The following SORCS2 variants were observed in gnomAD, a reference collection of about 807,000 sequenced individuals.
SORCS2 encodes the protein VPS10 domain-containing receptor SorCS2.
Under a neutral mutation model 141.6 loss-of-function variants are expected in SORCS2, and 100 were observed. That is an observed-to-expected ratio of 0.71 (90% CI 0.60 to 0.83). The LOEUF is 0.83. SORCS2 is among the 40% of genes least tolerant of loss of function. SORCS2 has a pLI of 0.00. For synonymous variants in SORCS2, 789 were observed against 676.9 expected, an observed-to-expected ratio of 1.17 and a Z score of -2.57; for missense variants, 1,646 against 1,560.2, an observed-to-expected ratio of 1.05 and a Z score of -0.93.
chr4:7,232,571 G>A (rs942234618), intron 1 of SORCS2, among the ~76,000 whole-genome samples: 5 of 152,180 alleles, frequency 3.3e-5, no homozygotes, highest in African/African-American at 7.2e-5. Flanking sequence ...CTCGTGGTCC[G>A]TGACCTTTAG....
intron 1 of SORCS2, among the ~76,000 whole-genome samples, chr4:7,389,575 C>T (rs115612760): frequency 0.028 from 4,307 of 152,296 alleles, 107 homozygotes; most frequent in Middle Eastern, 0.11. Context: ...TTCTGACACT[C>T]CCTGTGTGCC....
At chr4:7,599,821 T>C (rs977629012) in intron 3 of SORCS2, among the ~76,000 whole-genome samples, 67 of 149,480 alleles carry the variant, frequency 4.5e-4, no homozygotes, top group African/African-American at 1.5e-3. Flanking sequence ...GTTTTCTTTT[T>C]TCTTTTTTTT....
intron 1 of SORCS2, among the ~76,000 whole-genome samples, chr4:7,331,252 G>A (rs959470351): frequency 4.6e-5 from 7 of 152,120 alleles, no homozygotes; most frequent in South Asian, 4.1e-4. Context: ...TGCACCTCAC[G>A]TGACCTGGGC....
At chr4:7,597,074 G>A (rs1309577180) in intron 3 of SORCS2, among the ~76,000 whole-genome samples, 1 of 151,940 alleles carries the variant, frequency 6.6e-6, no homozygotes, top group Non-Finnish European at 1.5e-5. Context: ...ATCAATGCAG[G>A]CTTAGGTAAG....
Position 7,589,185 on chromosome 4 carries a change from A to G in SORCS2, c.649-49143A>G, listed in dbSNP as rs1414263890. On this transcript the variant is annotated intron_variant, in intron 3 of 26. Coordinates refer to ENST00000507866, the MANE Select transcript of SORCS2 (RefSeq NM_020777.3). ...TTCCTGGTAGAAGCCTGCAAAGTCT[A>G]TCTGGGAGGCCAGTTAGGAGATCCT... is the stretch of plus-strand genomic sequence containing the variant. 3.9e-5 allele frequency among the ~76,000 whole-genome samples: 6 copies of G among 152,210 alleles called. No individual in the cohort carries two copies. In the East Asian group the frequency reaches 9.6e-4, roughly 24 times the overall value.
chr4:7,704,253 A>G lies in SORCS2; in HGVS notation c.1837A>G (p.Ser613Gly). 6.2e-7 allele frequency: 1 copy of G among 1,612,728 alleles called. No homozygotes were observed. Among genetic ancestry groups the G allele is most frequent in the African/African-American group, 1.3e-5 (1 of 75,020 alleles). Residue 613 changes from serine to glycine, a missense_variant, in exon 14 of 27, where the codon AGT becomes GGT. Coordinates refer to ENST00000507866, the MANE Select transcript of SORCS2 (RefSeq NM_020777.3). ...CTCGGTGTTTGTGGACGGGCTGCTGAGTGAGCCAGGGGACGAGACGCTGGT... is the reference window on the plus strand; with the variant it reads ...CTCGGTGTTTGTGGACGGGCTGCTGGGTGAGCCAGGGGACGAGACGCTGGT... ...STSVFVDGLLSEPGDETLVMT... is the reference protein window; with the variant it reads ...STSVFVDGLLGEPGDETLVMT...
chr4:7,677,085 C>G (rs73794375), intron 9 of SORCS2, among the ~76,000 whole-genome samples: 5,293 of 152,110 alleles, frequency 0.035, 308 homozygotes, highest in African/African-American at 0.12. Flanking sequence ...CTCTCTGTCT[C>G]CCTGGAACCC....
intron 1 of SORCS2, among the ~76,000 whole-genome samples, chr4:7,274,763 T>A (rs538726010): frequency 6.6e-6 from 1 of 152,254 alleles, no homozygotes; most frequent in South Asian, 2.1e-4. Flanking sequence ...TAAAATTGTG[T>A]GTGTGGAGCC....
chr4:7,370,328 C>A (rs1722171407), intron 1 of SORCS2, among the ~76,000 whole-genome samples: 1 of 152,188 alleles, frequency 6.6e-6, no homozygotes, highest in Admixed American at 6.5e-5. Flanking sequence ...GGGGCAGAGG[C>A]AGAGGAGATC....
chr4:7,401,241 A>T (rs66506259), intron 2 of SORCS2, among the ~76,000 whole-genome samples: 19,571 of 151,814 alleles, frequency 0.13, 1,488 homozygotes, highest in Non-Finnish European at 0.18. Flanking sequence ...ATGGATGGAC[A>T]GATGAATGAA....
chr4:7,714,204 C>G, intron 15 of SORCS2, 36 bp from the exon 16 acceptor site: 1 of 1,596,386 alleles, frequency 6.3e-7, no homozygotes, highest in Non-Finnish European at 8.5e-7. Context: ...GTTGCCCTGT[C>G]TCAGGCAGCT....
intron 2 of SORCS2, among the ~76,000 whole-genome samples, chr4:7,507,425 C>T (rs1217178392): frequency 1.3e-5 from 2 of 152,178 alleles, no homozygotes; most frequent in African/African-American, 2.4e-5. Flanking sequence ...CCGCCCCCCT[C>T]GGCCTCCCAA....
chr4:7,195,239 C>G (rs1727104990), intron 1 of SORCS2, among the ~76,000 whole-genome samples: 2 of 151,900 alleles, frequency 1.3e-5, no homozygotes, highest in Admixed American at 1.3e-4. Context: ...GTTGGCTTCT[C>G]TTTAGTGAGG....
intron 2 of SORCS2, among the ~76,000 whole-genome samples, chr4:7,493,414 G>A (rs73212577): frequency 0.038 from 5,713 of 152,252 alleles, 137 homozygotes; most frequent in East Asian, 0.088. Context: ...GCAGCTTCCC[G>A]AGGCCTGGAT....
At chr4:7,531,712 C>G in intron 3 of SORCS2, 83 bp downstream of exon 3, 1 of 1,368,270 alleles carries the variant, frequency 7.3e-7, no homozygotes, top group Non-Finnish European at 1.0e-6. Context: ...TGCTGCCCTG[C>G]CCTGCTGTCT....
chr4:7,450,854 G>A (rs1266709413), intron 2 of SORCS2, among the ~76,000 whole-genome samples: 2 of 152,200 alleles, frequency 1.3e-5, no homozygotes, highest in Non-Finnish European at 1.5e-5. Context: ...GTGAATGGAT[G>A]GGAGAGTGAG....
chr4:7,584,807 G>A (rs186101666), intron 3 of SORCS2, among the ~76,000 whole-genome samples: 1 of 152,276 alleles, frequency 6.6e-6, no homozygotes. Context: ...GATTTCCAAA[G>A]TGAAATAAAT....
intron 5 of SORCS2, among the ~76,000 whole-genome samples, chr4:7,657,337 G>C (rs1721839680): frequency 6.6e-6 from 1 of 152,160 alleles, no homozygotes; most frequent in South Asian, 2.1e-4. Flanking sequence ...GAATGAGTAG[G>C]TGAGTGAGTG....
chr4:7,609,083 TGA>T (rs1291763404), intron 3 of SORCS2, among the ~76,000 whole-genome samples: 17 of 152,016 alleles, frequency 1.1e-4, no homozygotes, highest in African/African-American at 4.1e-4. Flanking sequence ...TCAGGCTGCA[TGA>T]GGGGCTGGTG....
Sources: allele counts gnomAD v4.1 joint callset (sites outside exome capture counted in the v4.1 genomes callset), GRCh38; gene constraint gnomAD v4.1.1; transcripts MANE v1.5; gene names NCBI Gene and HGNC (gene_info 2026-07-23, HGNC 2026-07-21).